CTH: variants seen among roughly 807,000 people sequenced by gnomAD.
CTH encodes cystathionine gamma-lyase.
Under a neutral mutation model 50.6 loss-of-function variants are expected in CTH, and 41 were observed. That is an observed-to-expected ratio of 0.81 (90% confidence interval 0.63 to 1.05). The LOEUF (loss-of-function observed/expected upper bound fraction) is 1.05, where lower values mean the gene tolerates loss of function less well. CTH is among the 50% of genes least tolerant of loss of function. CTH has a pLI of 0.00. For synonymous variants in CTH, 156 were observed against 168.9 expected (o/e 0.92, Z 0.59); for missense variants, 470 against 492.6 (o/e 0.95, Z 0.43).
chr1:70,415,873 A>C, intron 1 of CTH, 83 bp from the exon 2 acceptor site: 1 of 789,724 alleles, frequency 1.3e-6, no homozygotes, highest in Admixed American at 1.8e-5. Context: ...TAATTATGGT[A>C]GGGTGAAACT....
Position 70,438,840 on chromosome 1 carries a change from TTGTG to T in CTH, c.1191+40_1191+43del, listed in dbSNP as rs58815241. 1.1e-4 allele frequency: 172 copies of T among 1,558,436 alleles called. No homozygotes were observed. Among genetic ancestry groups the T allele is most frequent in the Non-Finnish European group, 1.2e-4 (138 of 1,142,884 alleles). The stretch of plus-strand genomic sequence containing the variant: ...TTGAAGGCAGCAGTAAGTCTTATTA[TTGTG>T]TGTGTGTGTGTGTGTGTGTGTGTGT... On this transcript the variant is annotated intron_variant, in intron 11 of 11. Coordinates refer to ENST00000370938, the MANE Select transcript of CTH (RefSeq NM_001902.6).
At chr1:70,436,314 C>T (rs950159778) in intron 10 of CTH, among the ~76,000 whole-genome samples, 4 of 152,054 alleles carry the variant, frequency 2.6e-5, no homozygotes, top group African/African-American at 9.6e-5. Context: ...GGTGATGCAG[C>T]GAGACTCTGT....
intron 3 of CTH, among the ~76,000 whole-genome samples, chr1:70,418,369 C>A (rs1684140574): frequency 6.6e-6 from 1 of 152,110 alleles, no homozygotes; most frequent in Non-Finnish European, 1.5e-5. Flanking sequence ...CATGCCCTAG[C>A]CTCCTGAATA....
intron 3 of CTH, among the ~76,000 whole-genome samples, chr1:70,420,150 G>A (rs187990133): frequency 1.3e-3 from 193 of 152,124 alleles, no homozygotes; most frequent in African/African-American, 4.3e-3. Flanking sequence ...GTGCCACCAC[G>A]CCTGGCTAAC....
At chr1:70,416,519 AGTGGCTG>A (rs1481418300) in intron 2 of CTH, among the ~76,000 whole-genome samples, 23 of 149,804 alleles carry the variant, frequency 1.5e-4, no homozygotes, top group Admixed American at 1.3e-3. Context: ...CAGCCTCCTG[AGTGGCTG>A]GGATTGCAGG....
At chr1:70,431,347 A>T (rs1684470720) in intron 7 of CTH, among the ~76,000 whole-genome samples, 1 of 152,076 alleles carries the variant, frequency 6.6e-6, no homozygotes, top group Non-Finnish European at 1.5e-5. Flanking sequence ...TTAAAATTAC[A>T]TTTGAAATGA....
At position 70,439,386 on chromosome 1, in the gene CTH, G is replaced by C. The variant is rs1684670305; in HGVS notation, c.*259G>C. 2.1e-6 allele frequency: 1 copy of C among 477,536 alleles called. No individual in the cohort carries two copies. The highest frequency in any genetic ancestry group is 1.9e-5 in the African/African-American group (1 of 51,850). 29.6% of individuals were successfully genotyped at this position (477,536 alleles called of 1,614,324 possible). A position where few individuals can be genotyped will look rare whatever the true frequency, so the allele number is the denominator to read the frequency against. ...TTTGCCTCTGAAGGAGGTGAGATTTGTGCTACTTTGGGAGATTATGTTCTT... is the reference window on the plus strand; with the variant it reads ...TTTGCCTCTGAAGGAGGTGAGATTTCTGCTACTTTGGGAGATTATGTTCTT... On this transcript the variant is annotated 3_prime_UTR_variant, in exon 12 of 12. Transcript: ENST00000370938.
intron 8 of CTH, 77 bp from the exon 9 acceptor site, chr1:70,433,751 T>G: frequency 6.3e-7 from 1 of 1,599,446 alleles, no homozygotes; most frequent in Non-Finnish European, 8.5e-7. Flanking sequence ...AAGTAGACAG[T>G]GAAAAATACC....
At chr1:70,425,757 A>G (rs1010536728) in intron 5 of CTH, among the ~76,000 whole-genome samples, 1 of 152,070 alleles carries the variant, frequency 6.6e-6, no homozygotes, top group Non-Finnish European at 1.5e-5. Context: ...TAAACAACCA[A>G]ATCTCACAAG....
intron 10 of CTH, among the ~76,000 whole-genome samples, chr1:70,435,493 A>G (rs568481366): frequency 1.3e-5 from 2 of 152,140 alleles, no homozygotes; most frequent in African/African-American, 4.8e-5. Flanking sequence ...TACCCTACTC[A>G]GCCTTAGAGG....
chr1:70,416,180 G>A (rs1016519909), intron 2 of CTH, 143 bp downstream of exon 2: 8 of 653,850 alleles, frequency 1.2e-5, no homozygotes, highest in Non-Finnish European at 1.9e-5. Flanking sequence ...TTTGCCCAAG[G>A]TCCCTCAGTT....
In CTH at chr1:70,439,304, T is replaced by A; in HGVS notation, c.*177T>A. ...TCTCTGTTAAAAAGTTTTCTGTATGTCATGTTATAATTACAGGTCAATTCT... is the reference window on the plus strand; with the variant it reads ...TCTCTGTTAAAAAGTTTTCTGTATGACATGTTATAATTACAGGTCAATTCT... On this transcript the variant is annotated 3_prime_UTR_variant, in exon 12 of 12. Coordinates refer to ENST00000370938, the MANE Select transcript of CTH (RefSeq NM_001902.6). 1 of 644,582 alleles carries A rather than the reference T, an allele frequency of 1.6e-6. No individual in the cohort carries two copies. The highest frequency in any genetic ancestry group is 2.7e-5 in the East Asian group (1 of 36,598). The allele number at this position is 644,582 out of a possible 1,614,324, so 39.9% of individuals were successfully genotyped here.
In CTH at chr1:70,439,106, T is replaced by G. The variant is rs1684664759; in HGVS notation, c.1197T>G (p.Pro399=). 1.2e-6 allele frequency: 2 copies of G among 1,612,326 alleles called. No individual in the cohort carries two copies. The highest frequency in any genetic ancestry group is 1.3e-5 in the African/African-American group (1 of 75,004). Residue 399 remains proline (P), a synonymous_variant, in exon 12 of 12, where the codon CCT becomes CCG. Transcript: ENST00000370938. ...DLDQALKAAH[P]PSGSHS ...CTTGTGCACTGTTATTATAGCACCC[T>G]CCAAGTGGAAGTCACAGCTAGTATT...
At chr1:70,428,648 C>A (rs1684399557) in intron 5 of CTH, among the ~76,000 whole-genome samples, 1 of 152,086 alleles carries the variant, frequency 6.6e-6, no homozygotes, top group East Asian at 1.9e-4. Flanking sequence ...CTTGCTCTGT[C>A]ACCCAGGCTG....
chr1:70,438,837 T>C lies in CTH; in HGVS notation c.1191+11T>C. 1.3e-6 allele frequency: 2 copies of C among 1,578,942 alleles called. No homozygotes were observed. Among genetic ancestry groups the C allele is most frequent in the Non-Finnish European group, 1.7e-6 (2 of 1,169,440 alleles). ...GCTTTGAAGGCAGCAGTAAGTCTTA[T>C]TATTGTGTGTGTGTGTGTGTGTGTG... On this transcript the variant is annotated intron_variant, in intron 11 of 11. Transcript: ENST00000370938.
At position 70,420,255 on chromosome 1, in the gene CTH, G is replaced by A. The variant is rs1232580928; in HGVS notation, c.347-1311G>A. On this transcript the variant is annotated intron_variant, in intron 3 of 11. Coordinates refer to ENST00000370938, the MANE Select transcript of CTH (RefSeq NM_001902.6). ...GATCCACCTGCCTCGGCCTCCCAAA[G>A]TGCTAGGATTACAGATGTGAGTCAC... Among the ~76,000 whole-genome samples the A allele has an allele frequency of 2.6e-5, 4 of 152,242 alleles. No individual in the cohort carries two copies. In the South Asian group the frequency reaches 6.2e-4, roughly 24 times the overall value.
intron 10 of CTH, among the ~76,000 whole-genome samples, chr1:70,436,321 C>G (rs555524965): frequency 6.6e-6 from 1 of 152,122 alleles, no homozygotes; most frequent in African/African-American, 2.4e-5. Flanking sequence ...CAGCGAGACT[C>G]TGTCTCAAAA....
chr1:70,428,926 CTTG>C (rs1362404031), intron 5 of CTH, among the ~76,000 whole-genome samples: 3 of 151,474 alleles, frequency 2.0e-5, no homozygotes, highest in Admixed American at 6.6e-5. Context: ...TTCTTTCTTT[CTTG>C]TTGTTTTTTA....
intron 7 of CTH, among the ~76,000 whole-genome samples, chr1:70,431,555 G>A (rs1187104243): frequency 6.6e-6 from 1 of 152,140 alleles, no homozygotes; most frequent in Non-Finnish European, 1.5e-5. Flanking sequence ...GAATAAAAAT[G>A]TCCTCCACAA....
Sources: allele counts gnomAD v4.1 joint callset (sites outside exome capture counted in the v4.1 genomes callset), GRCh38; gene constraint gnomAD v4.1.1; transcripts MANE v1.5; gene names NCBI Gene and HGNC (gene_info 2026-07-23, HGNC 2026-07-21).